HSPG2: variants seen among roughly 807,000 people sequenced by gnomAD.
The protein encoded by HSPG2 is heparan sulfate proteoglycan 2, also known as basement membrane-specific heparan sulfate proteoglycan core protein.
A neutral mutation model predicts 526.6 loss-of-function variants in HSPG2; 278 were observed. The observed-to-expected ratio is 0.53, with a 90% CI of 0.48 to 0.58. HSPG2 has a LOEUF of 0.58. Ranked by LOEUF, HSPG2 falls within the 20% of genes least tolerant of loss-of-function variation. The probability of loss-of-function intolerance (pLI) is 0.00; values close to 1 mark genes in which losing one functional copy is unlikely to be tolerated. For missense variants in HSPG2, 5,354 were observed against 6,099.5 expected, an observed-to-expected ratio of 0.88 and a Z score of 4.07; for synonymous variants, 2,465 against 2,555.4, an observed-to-expected ratio of 0.96 and a Z score of 1.07.
intron 39 of HSPG2, among the ~76,000 whole-genome samples, chr1:21,860,648 C>T (rs1263759629): frequency 6.6e-6 from 1 of 152,122 alleles, no homozygotes; most frequent in Non-Finnish European, 1.5e-5. Flanking sequence ...TGCGCCACCA[C>T]ACCCAGCTAA....
intron 29 of HSPG2, 94 bp from the exon 30 acceptor site, chr1:21,873,518 A>T: frequency 8.4e-7 from 1 of 1,186,104 alleles, no homozygotes; most frequent in African/African-American, 1.5e-5. Context: ...CAATGGCCTC[A>T]TGCACTGGAA....
Position 21,887,114 on chromosome 1 carries a change from G to T in HSPG2, c.1078+101C>A. On this transcript the variant is annotated intron_variant, in intron 9 of 96. Transcript: ENST00000374695. This position sits in a 1 kb window ranked among gnomAD's most constrained non-coding sequence, Gnocchi z 5.0. ...CTTGGGGGACTGGGGAGGGGGGAAA[G>T]CGGAGGGGCAGGGTAGGGGCGGGGC... 2 of 1,375,852 alleles carry T rather than the reference G, an allele frequency of 1.5e-6. No homozygotes were observed. The highest frequency in any genetic ancestry group is 2.0e-6 in the Non-Finnish European group (2 of 989,288). 85.2% of individuals were successfully genotyped at this position (1,375,852 alleles called of 1,614,324 possible).
At chr1:21,830,828 T>A in intron 85 of HSPG2, 154 bp downstream of exon 85, 1 of 618,538 alleles carries the variant, frequency 1.6e-6, no homozygotes, top group South Asian at 1.8e-5. Context: ...GTAGCAGAGA[T>A]GGGGGATGGG....
rs1183328665 is a variant in HSPG2, at chr1:21,880,637, G to A, written c.1998+19C>T. On this transcript the variant is annotated intron_variant, in intron 15 of 96. Coordinates refer to ENST00000374695, the MANE Select transcript of HSPG2 (RefSeq NM_005529.7). The stretch of plus-strand genomic sequence containing the variant: ...AATCCCCCTTTGCTCCCAGCCCTAA[G>A]GGCTCAGGCGCCACCCACCTCAGAG... 1 of 1,594,124 alleles carries A rather than the reference G, an allele frequency of 6.3e-7. No homozygotes were observed. Among genetic ancestry groups the A allele is most frequent in the Non-Finnish European group, 8.5e-7 (1 of 1,170,560 alleles).
rs376582019 is a variant in HSPG2 at position 21,878,410 on chromosome 1, G to A, written c.2617+23C>T. ...GGTTGGGTTGGGAGGTGGGTGTCAG[G>A]GGATGGTGGCAGCCATACTCACTGA... On this transcript the variant is annotated intron_variant, in intron 20 of 96. Transcript: ENST00000374695. 2.8e-3 allele frequency: 4,445 copies of A among 1,595,598 alleles called. 7 individuals carry two copies. Among genetic ancestry groups the A allele is most frequent in the Non-Finnish European group, 3.5e-3 (4,107 of 1,169,304 alleles).
rs375107329 is a variant in HSPG2 at position 21,839,126 on chromosome 1, A to T, written c.9890-41T>A. On this transcript the variant is annotated intron_variant, in intron 73 of 96. Transcript: ENST00000374695. The surrounding 1 kb of genome is among the most constrained non-coding windows in gnomAD (Gnocchi z 4.5). ...CAGAGGTCAGGATTGGGGAGGGCAA[A>T]GGTCAGAATGGCAGCAGGTCGTTGG... 152 of 1,552,940 alleles carry T rather than the reference A, an allele frequency of 9.8e-5. No homozygotes were observed. The highest frequency in any genetic ancestry group is 1.3e-4 in the Non-Finnish European group (148 of 1,147,110).
chr1:21,828,134 T>G lies in HSPG2; in HGVS notation c.12428A>C (p.Glu4143Ala), dbSNP rs1450203373. The G allele has an allele frequency of 6.3e-7, 1 of 1,590,036 alleles. No individual in the cohort carries two copies. Among genetic ancestry groups the G allele is most frequent in the African/African-American group, 1.4e-5 (1 of 73,880 alleles). Residue 4143 changes from glutamate to alanine, a missense_variant, in exon 90 of 97, where the codon GAG (glutamate) becomes GCG (alanine). Glu to Ala is a moderately radical substitution (Grantham distance 107). Transcript: ENST00000374695. The surrounding 1 kb of genome is among the most constrained non-coding windows in gnomAD (Gnocchi z 6.0). The part of the protein sequence containing the change: ...DGFKGDLCEH[E>A]ENPCQLREPC... ...TTCACGGAGCTGGCAGGGGTTCTCC[T>G]CGTGCTCACACAGGTCTCCTGTGGG...
At position 21,895,958 on chromosome 1, in the gene HSPG2, C is replaced by T; in HGVS notation, c.208G>A (p.Gly70Ser). ...TCCCCGCTGCCCAGGTCCCCACTGC[C>T]CAGGTCGTCTATAAGCAAAAAAGAG... ...LADSISGDDLGSGDLGSGDFQ... is the reference protein window; with the variant it reads ...LADSISGDDLSSGDLGSGDFQ... Residue 70 changes from glycine to serine, a missense_variant, in exon 3 of 97, where the codon GGC becomes AGC. Physicochemically the swap from Gly to Ser is moderately conservative, Grantham distance 56. Coordinates refer to ENST00000374695, the MANE Select transcript of HSPG2 (RefSeq NM_005529.7). The surrounding 1 kb of genome is among the most constrained non-coding windows in gnomAD (Gnocchi z 4.1). 1 of 1,614,078 alleles carries T rather than the reference C, an allele frequency of 6.2e-7. No individual in the cohort carries two copies. Among genetic ancestry groups the T allele is most frequent in the Non-Finnish European group, 8.5e-7 (1 of 1,179,972 alleles).
chr1:21,876,442 G>A (rs1199932791), intron 22 of HSPG2, 37 bp from the exon 23 acceptor site: 1 of 1,611,592 alleles, frequency 6.2e-7, no homozygotes. Flanking sequence ...GGGGGCCGTG[G>A]CCTGGGACTG....
rs1191411251 is a variant in HSPG2 at position 21,841,985 on chromosome 1, C to T, written c.9193+17G>A. On this transcript the variant is annotated intron_variant, in intron 69 of 96. Coordinates refer to ENST00000374695, the MANE Select transcript of HSPG2 (RefSeq NM_005529.7). ...GCCTGCCCCCAGCTTGCCCACCTGCCCACCAGCCTGGCTCACCCTCCAGCT... is the reference window on the plus strand; with the variant it reads ...GCCTGCCCCCAGCTTGCCCACCTGCTCACCAGCCTGGCTCACCCTCCAGCT... The T allele has an allele frequency of 6.2e-7, 1 of 1,612,548 alleles. No individual in the cohort carries two copies. The highest frequency in any genetic ancestry group is 1.3e-5 in the African/African-American group (1 of 74,902).
chr1:21,909,375 T>TC (rs1220846862), intron 1 of HSPG2, among the ~76,000 whole-genome samples: 11 of 152,196 alleles, frequency 7.2e-5, no homozygotes, highest in Admixed American at 2.0e-4. Flanking sequence ...ACATGCTGAA[T>TC]CCCAGAGATC....
chr1:21,919,150 G>C (rs1475915976), intron 1 of HSPG2, among the ~76,000 whole-genome samples: 1 of 152,262 alleles, frequency 6.6e-6, no homozygotes, highest in Non-Finnish European at 1.5e-5. Flanking sequence ...AAGGGGCTGG[G>C]CGCAGTGGCT....
At position 21,908,325 on chromosome 1, in the gene HSPG2, A is replaced by G. The variant is rs140403551; in HGVS notation, c.64-12015T>C. 81 of 1,015,278 alleles carry G rather than the reference A, an allele frequency of 8.0e-5. 2 individuals carry two copies. In the African/African-American group the frequency reaches 1.1e-3, roughly 14 times the overall value. 62.9% of individuals were successfully genotyped at this position (1,015,278 alleles called of 1,614,324 possible). A position where few individuals can be genotyped will look rare whatever the true frequency, so the allele number is the denominator to read the frequency against. On this transcript the variant is annotated intron_variant, in intron 1 of 96. Transcript: ENST00000374695. ...TCCAGTATGCTGCTAGCATTGTTGT[A>G]AACAAACAAGTTAAGGGCAAGATTC...
At chr1:21,908,140 T>C (rs1386768982) in intron 1 of HSPG2, 3 of 828,702 alleles carry the variant, frequency 3.6e-6, no homozygotes, top group Non-Finnish European at 6.3e-6. Flanking sequence ...CCAATAGATG[T>C]TCTCCAGGCC....
Position 21,831,316 on chromosome 1 carries a change from G to C in HSPG2, c.11461C>G (p.Arg3821Gly), listed in dbSNP as rs140269233. 1 of 1,613,776 alleles carries C rather than the reference G, an allele frequency of 6.2e-7. No homozygotes were observed. Among genetic ancestry groups the C allele is most frequent in the East Asian group, 2.2e-5 (1 of 44,870 alleles). The change falls in exon 84 of 97, where the codon CGG becomes GGG. Residue 3821 changes from arginine (R) to glycine (G), a missense_variant. Coordinates refer to ENST00000374695, the MANE Select transcript of HSPG2 (RefSeq NM_005529.7). ...GLSSGFIGCV[R>G]ELRIQGEEIV... is the part of the protein sequence containing the mutation. The stretch of plus-strand genomic sequence containing the variant: ...TCCTCGCCCTGGATGCGCAGCTCCC[G>C]GACACAGCCTGGGAGGTGAGTGGGC...
Position 21,833,399 on chromosome 1 carries a change from C to T in HSPG2, c.10979-15G>A. ...CACCACCCGCTCTGCCAGCAGAGAGCACAGCTGAAGACCCTGCCAGTCAGG... is the reference window on the plus strand; with the variant it reads ...CACCACCCGCTCTGCCAGCAGAGAGTACAGCTGAAGACCCTGCCAGTCAGG... On this transcript the variant is annotated splice_polypyrimidine_tract_variant and intron_variant, in intron 79 of 96. Coordinates refer to ENST00000374695, the MANE Select transcript of HSPG2 (RefSeq NM_005529.7). The T allele has an allele frequency of 6.2e-7, 1 of 1,614,116 alleles. No individual in the cohort carries two copies. Among genetic ancestry groups the T allele is most frequent in the Non-Finnish European group, 8.5e-7 (1 of 1,179,938 alleles).
rs369114035 is a variant in HSPG2 at position 21,910,994 on chromosome 1, C to T, written c.64-14684G>A. Among the ~76,000 whole-genome samples, 109 of 152,302 alleles carry T rather than the reference C, an allele frequency of 7.2e-4. 1 individual carries two copies. The East Asian group carries it at 0.019, about 27-fold the overall frequency. On this transcript the variant is annotated intron_variant, in intron 1 of 96. Transcript: ENST00000374695. ...AGCCCAGGAGCCCTGAAGCCCCTGG[C>T]ATCCTGCGCCAAATGCACATTGAAG...
At position 21,841,268 on chromosome 1, in the gene HSPG2, C is replaced by T. The variant is rs758871690; in HGVS notation, c.9346G>A (p.Val3116Met). The change falls in exon 71 of 97, where the codon GTG (valine) becomes ATG (methionine). Residue 3116 changes from valine to methionine, a missense_variant. Val to Met is a conservative substitution (Grantham distance 21). Coordinates refer to ENST00000374695, the MANE Select transcript of HSPG2 (RefSeq NM_005529.7). ...ACCCACACGGGGCCCTCGGGGAGCA[C>T]GGACACTGTAGGGGGCCCTGTGCGG... The part of the protein sequence containing the change: ...LSVHGPPTVS[V>M]LPEGPVWVKV... 32 of 1,613,646 alleles carry T rather than the reference C, an allele frequency of 2.0e-5. No individual in the cohort carries two copies. Among genetic ancestry groups the T allele is most frequent in the South Asian group, 1.6e-4 (15 of 91,084 alleles).
rs561451720 is a variant in HSPG2 at position 21,852,809 on chromosome 1, C to G, written c.6615G>C (p.Leu2205=). ...RHQTHGSLLR[L]HQVTPADSGE... ...CTGAGTCGGCCGGGGTCACCTGGTG[C>G]AGCCGCAGCAGCGAGCCGTGGGTCT... The change falls in exon 52 of 97, where the codon CTG becomes CTC. Residue 2205 remains leucine (L), a synonymous_variant. Transcript: ENST00000374695. 6.2e-7 allele frequency: 1 copy of G among 1,612,550 alleles called. No homozygotes were observed. Among genetic ancestry groups the G allele is most frequent in the East Asian group, 2.2e-5 (1 of 44,866 alleles).
Sources: gnomAD v4.1 joint callset for allele counts (sites outside exome capture counted in the v4.1 genomes callset) on GRCh38, gnomAD v4.1.1 for gene constraint, Gnocchi (gnomAD v3.1) non-coding constraint, MANE v1.5 for transcripts, NCBI Gene and HGNC (gene_info 2026-07-23, HGNC 2026-07-21) for gene names.